The following RXRA variants were observed in gnomAD, a reference collection of about 807,000 sequenced individuals.
RXRA encodes the protein retinoic acid receptor RXR-alpha.
A neutral mutation model predicts 44.5 loss-of-function variants in RXRA; 5 were observed. The observed-to-expected ratio is 0.11, with a 90% CI of 0.06 to 0.24. The LOEUF (loss-of-function observed/expected upper bound fraction) is 0.24. Ranked by LOEUF, RXRA falls within the 10% of genes least tolerant of loss-of-function variation. The probability of loss-of-function intolerance (pLI) is 1.00; values close to 1 mark genes in which losing one functional copy is unlikely to be tolerated. For missense variants in RXRA, 412 were observed against 646.5 expected (o/e 0.64, Z 3.93); for synonymous variants, 291 against 271.4 (o/e 1.07, Z -0.71).
chr9:134,338,500 C>T (rs1554747639), intron 1 of RXRA, among the ~76,000 whole-genome samples: 5 of 152,216 alleles, frequency 3.3e-5, no homozygotes, highest in African/African-American at 1.2e-4. Flanking sequence ...AGGTCACTGC[C>T]ACTCTTGCTG....
intron 1 of RXRA, among the ~76,000 whole-genome samples, chr9:134,350,288 T>G (rs1208729523): frequency 3.3e-5 from 5 of 152,126 alleles, no homozygotes; most frequent in African/African-American, 1.2e-4. Context: ...CTGAACACAG[T>G]GCTGGCATCG....
Position 134,379,530 on chromosome 9 carries a change from C to T in RXRA, c.29-22102C>T, listed in dbSNP as rs899618642. On this transcript the variant is annotated intron_variant, in intron 1 of 9. Transcript: ENST00000481739. ...GTCTGTGGCAGGCACTGCCAGTGGC[C>T]GTGGCCCAGGGTCTTGGTGGCTCGG... is the stretch of plus-strand genomic sequence containing the variant. 1.3e-5 allele frequency: 13 copies of T among 985,912 alleles called. No individual in the cohort carries two copies. In the African/African-American group the frequency reaches 1.6e-4, roughly 12 times the overall value. 61.1% of individuals were successfully genotyped at this position (985,912 alleles called of 1,614,324 possible). A position where few individuals can be genotyped will look rare whatever the true frequency, so the allele number is the denominator to read the frequency against.
chr9:134,424,474 C>G, intron 6 of RXRA: 1 of 985,452 alleles, frequency 1.0e-6, no homozygotes, highest in South Asian at 4.7e-5. Context: ...CTTCTGGCTT[C>G]GAGGGCCGCA....
chr9:134,417,117 C>A lies in RXRA; in HGVS notation c.611-41C>A. 1 of 1,579,538 alleles carries A rather than the reference C, an allele frequency of 6.3e-7. No individual in the cohort carries two copies. Among genetic ancestry groups the A allele is most frequent in the Non-Finnish European group, 8.6e-7 (1 of 1,164,440 alleles). ...ACAGCCTTCCCTGGGAGCCACTGGC[C>A]GGGCTGAGCGTGGGGCTCACCTGCG... On this transcript the variant is annotated intron_variant, in intron 4 of 9. Coordinates refer to ENST00000481739, the MANE Select transcript of RXRA (RefSeq NM_002957.6). This position sits in a 1 kb window ranked among gnomAD's most constrained non-coding sequence, Gnocchi z 6.1.
At chr9:134,385,320 G>A (rs911100236) in intron 1 of RXRA, among the ~76,000 whole-genome samples, 2 of 152,202 alleles carry the variant, frequency 1.3e-5, no homozygotes, top group African/African-American at 2.4e-5. Flanking sequence ...GAAAGCCCTC[G>A]TTGTGTGGCT....
intron 6 of RXRA, chr9:134,424,841 G>T (rs1215517687): frequency 1.0e-6 from 1 of 985,480 alleles, no homozygotes. Context: ...GGGGACCAGG[G>T]GTGATCCTGC....
chr9:134,358,671 C>G (rs1212806624), intron 1 of RXRA, among the ~76,000 whole-genome samples: 1 of 152,350 alleles, frequency 6.6e-6, no homozygotes, highest in Non-Finnish European at 1.5e-5. Flanking sequence ...CCCTCCCCTC[C>G]CCGCCCCTCC....
intron 6 of RXRA, among the ~76,000 whole-genome samples, chr9:134,428,814 T>C (rs1275483146): frequency 6.6e-6 from 1 of 152,218 alleles, no homozygotes; most frequent in Non-Finnish European, 1.5e-5. Flanking sequence ...AGGAGTGTCC[T>C]GCACACGCGG....
At chr9:134,400,646 G>A (rs1181911466) in intron 1 of RXRA, among the ~76,000 whole-genome samples, 1 of 152,208 alleles carries the variant, frequency 6.6e-6, no homozygotes, top group African/African-American at 2.4e-5. Context: ...TCGCCACCTG[G>A]GAGCCTCCCT....
chr9:134,353,279 CAG>C (rs1225242674), intron 1 of RXRA, among the ~76,000 whole-genome samples: 8 of 152,152 alleles, frequency 5.3e-5, no homozygotes, highest in African/African-American at 1.9e-4. Context: ...GAGTCCTTCT[CAG>C]GGGTATCCCT....
At chr9:134,400,649 G>T (rs1830944307) in intron 1 of RXRA, among the ~76,000 whole-genome samples, 1 of 152,232 alleles carries the variant, frequency 6.6e-6, no homozygotes, top group South Asian at 2.1e-4. Context: ...CCACCTGGGA[G>T]CCTCCCTTCT....
At chr9:134,329,276 C>T (rs894877208) in intron 1 of RXRA, among the ~76,000 whole-genome samples, 3 of 152,220 alleles carry the variant, frequency 2.0e-5, no homozygotes, top group Non-Finnish European at 4.4e-5. Context: ...CCGGGGCCTC[C>T]CGAAATAACA....
chr9:134,373,697 C>G (rs1054888820), intron 1 of RXRA, among the ~76,000 whole-genome samples: 1 of 152,196 alleles, frequency 6.6e-6, no homozygotes, highest in Non-Finnish European at 1.5e-5. Flanking sequence ...GTGAGTGGCA[C>G]CTCCCACAGG....
intron 1 of RXRA, among the ~76,000 whole-genome samples, chr9:134,375,698 G>T (rs560842036): frequency 6.6e-6 from 1 of 152,136 alleles, no homozygotes; most frequent in African/African-American, 2.4e-5. Context: ...TGTGTGGGTT[G>T]TCAGGGCTGG....
At chr9:134,409,248 G>A in intron 4 of RXRA, 129 bp downstream of exon 4, 1 of 964,418 alleles carries the variant, frequency 1.0e-6, no homozygotes, top group East Asian at 3.0e-5. Flanking sequence ...CAAGGCCAAG[G>A]CAGGAGTGGG....
chr9:134,401,979 G>T, intron 2 of RXRA, 97 bp downstream of exon 2: 1 of 1,038,372 alleles, frequency 9.6e-7, no homozygotes, highest in Non-Finnish European at 1.4e-6. Context: ...GCCTCTGGGA[G>T]GTAGGTGCTG....
intron 1 of RXRA, among the ~76,000 whole-genome samples, chr9:134,340,476 G>A (rs1554747990): frequency 2.0e-5 from 3 of 152,164 alleles, no homozygotes; most frequent in African/African-American, 7.2e-5. Context: ...GAAGTGCCAG[G>A]GAGCACTCTG....
Position 134,351,367 on chromosome 9 carries a change from G to A in RXRA, c.28+24708G>A, listed in dbSNP as rs530922516. 3.9e-5 allele frequency among the ~76,000 whole-genome samples: 6 copies of A among 152,320 alleles called. No homozygotes were observed. The South Asian group carries it at 1.2e-3, about 32-fold the overall frequency. On this transcript the variant is annotated intron_variant, in intron 1 of 9. Coordinates refer to ENST00000481739, the MANE Select transcript of RXRA (RefSeq NM_002957.6). ...CGGGCAGAGGGGAGGGCAAAGTGGT[G>A]GTCCCGGGCCCGGCAGGCTGGTTGT...
chr9:134,422,800 T>C (rs1564295340), intron 6 of RXRA: 10 of 985,320 alleles, frequency 1.0e-5, no homozygotes, highest in Non-Finnish European at 1.1e-5. Flanking sequence ...CTCAGTGGCC[T>C]TCAGAGAGGT....
Sources: gnomAD v4.1 joint callset for allele counts (sites outside exome capture counted in the v4.1 genomes callset) on GRCh38, gnomAD v4.1.1 for gene constraint, Gnocchi (gnomAD v3.1) non-coding constraint, MANE v1.5 for transcripts, NCBI Gene and HGNC (gene_info 2026-07-23, HGNC 2026-07-21) for gene names.